HAL: variants seen among roughly 807,000 people sequenced by gnomAD.
HAL encodes the protein histidine ammonia-lyase, also known as histidase.
In HAL, 85 loss-of-function variants were observed where a neutral mutation model predicts 81.1. The observed-to-expected ratio is 1.05, with a 90% confidence interval of 0.88 to 1.25. The LOEUF (loss-of-function observed/expected upper bound fraction) is 1.25. Among genes scored for constraint, HAL ranks in the 50% most tolerant of loss-of-function variants. The pLI, the probability that HAL is intolerant of heterozygous loss-of-function variation, is 0.00. For missense variants in HAL, 798 were observed against 836.6 expected, an observed-to-expected ratio of 0.95 and a Z score of 0.57; for synonymous variants, 301 against 309.2, an observed-to-expected ratio of 0.97 and a Z score of 0.28.
At position 95,978,004 on chromosome 12, in the gene HAL, CGTG is replaced by C. The variant is rs1933386030; in HGVS notation, c.1591_1593del (p.His531del). On this transcript the variant is annotated inframe_deletion, in exon 18 of 21. Transcript: ENST00000261208. ...CTTGCTGCCCATCCTCCCATGGAGA[CGTG>C]GTCCTCCGTGGCTGCGCTGGTGGAG... 6.2e-7 allele frequency: 1 copy of C among 1,613,004 alleles called. No individual in the cohort carries two copies. Among genetic ancestry groups the C allele is most frequent in the African/African-American group, 1.3e-5 (1 of 74,910 alleles).
chr12:95,987,012 C>T (rs566517356), intron 12 of HAL, 55 bp downstream of exon 12: 43 of 1,498,074 alleles, frequency 2.9e-5, no homozygotes, highest in Non-Finnish European at 3.5e-5. Context: ...TCAGCCACCC[C>T]GCCCCACCAC....
rs761431323 is a variant in HAL, at chr12:95,980,652, A to G, written c.1423T>C (p.Cys475Arg). Residue 475 changes from cysteine (C) to arginine (R), a missense_variant, in exon 17 of 21, where the codon TGC becomes CGC. Cys to Arg is a radical substitution (Grantham distance 180). Coordinates refer to ENST00000261208, the MANE Select transcript of HAL (RefSeq NM_002108.4). ...AISERRIERL[C>R]NPSLSELPAF... ...GGCAGCTCACTGAGGGAGGGATTGC[A>G]GAGCCGCTCGATTCTTCTCTCACTG... 3.0e-5 allele frequency: 48 copies of G among 1,613,886 alleles called. No homozygotes were observed. In the South Asian group the frequency reaches 5.3e-4, roughly 18 times the overall value.
At chr12:95,977,872 A>C (rs769118580) in intron 18 of HAL, 72 bp downstream of exon 18, 721 of 1,507,758 alleles carry the variant, frequency 4.8e-4, no homozygotes, top group Non-Finnish European at 6.1e-4. Context: ...TGCTGGTGGG[A>C]GATCCCACTT....
At chr12:95,978,970 C>CT (rs1417201210) in intron 17 of HAL, among the ~76,000 whole-genome samples, 1 of 152,176 alleles carries the variant, frequency 6.6e-6, no homozygotes. Context: ...TGGCCAAGGA[C>CT]TTTCCAGGTT....
chr12:95,986,162 T>G lies in HAL; in HGVS notation c.1052-2A>C, dbSNP rs2136811141. The G allele has an allele frequency of 6.5e-7, 1 of 1,544,866 alleles. No homozygotes were observed. The highest frequency in any genetic ancestry group is 1.1e-5 in the South Asian group (1 of 89,712). ...GGTGAGGTCGAAGAGCATGAATGTC[T>G]AGAATTGATGAAGGAGAAAAAGTCT... On this transcript the variant is annotated splice_acceptor_variant, in intron 12 of 20. Coordinates refer to ENST00000261208, the MANE Select transcript of HAL (RefSeq NM_002108.4). LOFTEE classifies it high-confidence loss of function.
At chr12:95,988,416 T>C (rs1018501948) in intron 10 of HAL, among the ~76,000 whole-genome samples, 176 bp from the exon 11 acceptor site, 9 of 152,242 alleles carry the variant, frequency 5.9e-5, no homozygotes, top group Admixed American at 2.0e-4. Context: ...TTCTGTTCTT[T>C]AGTCATGAAA....
intron 18 of HAL, 28 bp downstream of exon 18, chr12:95,977,916 C>A (rs372268204): frequency 1.8e-4 from 298 of 1,613,060 alleles, no homozygotes; most frequent in Non-Finnish European, 2.3e-4. Flanking sequence ...ATCAGGCAGG[C>A]CCGCCACCCC....
intron 14 of HAL, among the ~76,000 whole-genome samples, chr12:95,985,702 A>G (rs2136809773): frequency 6.6e-6 from 1 of 152,002 alleles, no homozygotes; most frequent in Admixed American, 6.5e-5. Flanking sequence ...ATAGTTCACC[A>G]TATAGAATAG....
At position 95,980,732 on chromosome 12, in the gene HAL, G is replaced by A. The variant is rs1249048757; in HGVS notation, c.1354-11C>T. On this transcript the variant is annotated splice_polypyrimidine_tract_variant and intron_variant, in intron 16 of 20. Transcript: ENST00000261208. ...CAAGTAGTCTAGGGCCTGAAAGAGGGTCTCCATTTAGTCAGCCTATATTGA... is the reference window on the plus strand; with the variant it reads ...CAAGTAGTCTAGGGCCTGAAAGAGGATCTCCATTTAGTCAGCCTATATTGA... The A allele has an allele frequency of 6.2e-7, 1 of 1,612,638 alleles. No individual in the cohort carries two copies. Among genetic ancestry groups the A allele is most frequent in the South Asian group, 1.1e-5 (1 of 91,062 alleles).
At chr12:95,988,140 T>A in intron 11 of HAL, 53 bp downstream of exon 11, 1 of 864,360 alleles carries the variant, frequency 1.2e-6, no homozygotes, top group South Asian at 1.3e-5. Flanking sequence ...CTGAAAATAC[T>A]GCATAAATAA....
In HAL at chr12:95,974,105, C is replaced by A. The variant is rs1257753518; in HGVS notation, c.*127G>T. ...CTGCCATCAGCCTAACCAACGTAGG[C>A]TTTAGAAGAACTGAATGATACAATG... On this transcript the variant is annotated 3_prime_UTR_variant, in exon 21 of 21. Transcript: ENST00000261208. 6.9e-6 allele frequency: 6 copies of A among 871,362 alleles called. No homozygotes were observed. Among genetic ancestry groups the A allele is most frequent in the Non-Finnish European group, 1.2e-5 (6 of 507,994 alleles). The allele number at this position is 871,362 out of a possible 1,614,324, so 54.0% of individuals were successfully genotyped here. A position where few individuals can be genotyped will look rare whatever the true frequency, so the allele number is the denominator to read the frequency against.
intron 2 of HAL, 99 bp from the exon 3 acceptor site, chr12:95,995,092 T>A: frequency 1.1e-6 from 1 of 892,748 alleles, no homozygotes; most frequent in Non-Finnish European, 1.9e-6. Flanking sequence ...ATGAATTCTA[T>A]AGAAATGGCT....
intron 12 of HAL, 30 bp downstream of exon 12, chr12:95,987,037 A>G: frequency 2.5e-6 from 4 of 1,594,090 alleles, no homozygotes; most frequent in Non-Finnish European, 3.4e-6. Context: ...GGTTGAATGA[A>G]TAACAACCAA....
rs185963433 is a variant in HAL at position 95,978,005 on chromosome 12, G to C, written c.1593C>G (p.His531Gln). The C allele has an allele frequency of 6.2e-7, 1 of 1,612,766 alleles. No homozygotes were observed. The highest frequency in any genetic ancestry group is 8.5e-7 in the Non-Finnish European group (1 of 1,178,816). The change falls in exon 18 of 21, where the codon CAC becomes CAG. Residue 531 changes from histidine to glutamine, a missense_variant. His to Gln is a conservative substitution (Grantham distance 24, BLOSUM62 0). Transcript: ENST00000261208. ...TTGCTGCCCATCCTCCCATGGAGAC[G>C]TGGTCCTCCGTGGCTGCGCTGGTGG... Reference protein sequence around the residue: ...SLSTSAATEDHVSMGGWAARK... With the variant: ...SLSTSAATEDQVSMGGWAARK...
rs1482225945 is a variant in HAL at position 95,974,101 on chromosome 12, T to C, written c.*131A>G. On this transcript the variant is annotated 3_prime_UTR_variant, in exon 21 of 21. Transcript: ENST00000261208. Reference sequence around the variant, plus strand: ...AATACTGCCATCAGCCTAACCAACGTAGGCTTTAGAAGAACTGAATGATAC... The same window carrying C: ...AATACTGCCATCAGCCTAACCAACGCAGGCTTTAGAAGAACTGAATGATAC... 3.5e-6 allele frequency: 3 copies of C among 854,528 alleles called. No homozygotes were observed. Among genetic ancestry groups the C allele is most frequent in the Non-Finnish European group, 6.1e-6 (3 of 493,660 alleles). The allele number at this position is 854,528 out of a possible 1,614,324, so 52.9% of individuals were successfully genotyped here. A position where few individuals can be genotyped will look rare whatever the true frequency, so the allele number is the denominator to read the frequency against.
chr12:95,994,437 T>C (rs1046609601), intron 4 of HAL, among the ~76,000 whole-genome samples: 5 of 152,208 alleles, frequency 3.3e-5, no homozygotes, highest in African/African-American at 1.2e-4. Context: ...CAGCCCAGGC[T>C]GGAGTGCAGT....
chr12:95,996,268 C>A lies in HAL; in HGVS notation c.-272G>T. On this transcript the variant is annotated 5_prime_UTR_variant, in exon 1 of 21. Coordinates refer to ENST00000261208, the MANE Select transcript of HAL (RefSeq NM_002108.4). ...CCCCTTTCTTCAGGGTCCCCAATTTCTCTCTCTTCCCTCGTTTCTGTCTGT... is the reference window on the plus strand; with the variant it reads ...CCCCTTTCTTCAGGGTCCCCAATTTATCTCTCTTCCCTCGTTTCTGTCTGT... 1 of 318,206 alleles carries A rather than the reference C, an allele frequency of 3.1e-6. No individual in the cohort carries two copies. 19.7% of individuals were successfully genotyped at this position (318,206 alleles called of 1,614,324 possible).
At chr12:95,990,982 T>C (rs963087997) in intron 9 of HAL, among the ~76,000 whole-genome samples, 2 of 152,156 alleles carry the variant, frequency 1.3e-5, no homozygotes, top group Non-Finnish European at 2.9e-5. Flanking sequence ...TGGTGGTGCA[T>C]GCCTGTAGTC....
intron 5 of HAL, 41 bp downstream of exon 5, chr12:95,994,049 C>T: frequency 6.3e-7 from 1 of 1,595,318 alleles, no homozygotes. Context: ...CCACGGGCAA[C>T]AAAAATGGCC....
Sources: allele counts gnomAD v4.1 joint callset (sites outside exome capture counted in the v4.1 genomes callset), GRCh38; gene constraint gnomAD v4.1.1; transcripts MANE v1.5; gene names NCBI Gene and HGNC (gene_info 2026-07-23, HGNC 2026-07-21).